BMPR1A: variants seen among roughly 807,000 people sequenced by gnomAD.
BMPR1A encodes the protein bone morphogenetic protein receptor type 1A.
BMPR1A carries 7 observed loss-of-function variants against 66.0 expected under a neutral mutation model. That is an observed-to-expected ratio of 0.11 (90% CI 0.06 to 0.20). The LOEUF (loss-of-function observed/expected upper bound fraction) is 0.20, where lower values mean the gene tolerates loss of function less well. BMPR1A is among the 10% of genes least tolerant of loss of function. The pLI is 1.00. For missense variants in BMPR1A, 408 were observed against 669.1 expected, an observed-to-expected ratio of 0.61 and a Z score of 4.31; for synonymous variants, 200 against 229.7, an observed-to-expected ratio of 0.87 and a Z score of 1.17.
chr10:86,816,016 A>G (rs565551746), intron 1 of BMPR1A, among the ~76,000 whole-genome samples: 2 of 152,174 alleles, frequency 1.3e-5, no homozygotes, highest in Non-Finnish European at 2.9e-5. Context: ...GAATAACTGG[A>G]AATGGCCCCT....
intron 3 of BMPR1A, among the ~76,000 whole-genome samples, chr10:86,888,688 A>T (rs982135732): frequency 1.3e-5 from 2 of 151,908 alleles, no homozygotes; most frequent in Non-Finnish European, 2.9e-5. Context: ...TTAGCCGGGC[A>T]TGGTGGCATG....
chr10:86,757,705 G>A (rs1025923927), intron 1 of BMPR1A, among the ~76,000 whole-genome samples: 4 of 152,200 alleles, frequency 2.6e-5, no homozygotes, highest in African/African-American at 9.7e-5. Flanking sequence ...AGAGTACATA[G>A]TATGAACTTG....
chr10:86,925,719 A>ATTTTTT lies in BMPR1A; in HGVS notation c.*2001_*2002insTTTTTT, dbSNP rs1163006358. 8.1e-6 allele frequency: 1 copy of ATTTTTT among 123,450 alleles called. No homozygotes were observed. Among genetic ancestry groups the ATTTTTT allele is most frequent in the African/African-American group, 5.2e-5 (1 of 19,226 alleles). 7.6% of individuals were successfully genotyped at this position (123,450 alleles called of 1,614,324 possible). ...ACCATAATCTTTAAAATCATTTGTC[A>ATTTTTT]TCTTTTTTTTTTTTTTTTTGAGACG... On this transcript the variant is annotated 3_prime_UTR_variant, in exon 13 of 13. Coordinates refer to ENST00000372037, the MANE Select transcript of BMPR1A (RefSeq NM_004329.3).
intron 1 of BMPR1A, among the ~76,000 whole-genome samples, chr10:86,791,331 G>A (rs1841615673): frequency 1.3e-5 from 2 of 151,670 alleles, no homozygotes; most frequent in African/African-American, 4.8e-5. Context: ...TTCTGCCTCA[G>A]CCTCTTGAGT....
intron 2 of BMPR1A, among the ~76,000 whole-genome samples, chr10:86,859,924 G>A (rs1842691739): frequency 6.6e-6 from 1 of 152,198 alleles, no homozygotes; most frequent in South Asian, 2.1e-4. Flanking sequence ...CCAGCCTACA[G>A]TTTTATCAGC....
chr10:86,804,998 C>T (rs1841869731), intron 1 of BMPR1A, among the ~76,000 whole-genome samples: 1 of 152,048 alleles, frequency 6.6e-6, no homozygotes, highest in Non-Finnish European at 1.5e-5. Flanking sequence ...TCCCGGTAGC[C>T]TCAGGCGTTC....
At chr10:86,757,542 AG>A (rs1847896492) in intron 1 of BMPR1A, among the ~76,000 whole-genome samples, 1 of 152,146 alleles carries the variant, frequency 6.6e-6, no homozygotes, top group Non-Finnish European at 1.5e-5. Context: ...AGATTTGGCA[AG>A]GAAAAAAAAA....
At chr10:86,830,032 G>A (rs1842246636) in intron 1 of BMPR1A, among the ~76,000 whole-genome samples, 1 of 152,146 alleles carries the variant, frequency 6.6e-6, no homozygotes, top group African/African-American at 2.4e-5. Context: ...ACAGTGGGTG[G>A]GGAGAGAGCG....
At chr10:86,875,218 C>G (rs1487272347) in intron 2 of BMPR1A, among the ~76,000 whole-genome samples, 1 of 151,604 alleles carries the variant, frequency 6.6e-6, no homozygotes, top group African/African-American at 2.4e-5. Flanking sequence ...ACTAAAAATA[C>G]AAAAATTAGC....
At chr10:86,761,765 G>A (rs1251836308) in intron 1 of BMPR1A, among the ~76,000 whole-genome samples, 1 of 152,186 alleles carries the variant, frequency 6.6e-6, no homozygotes, top group Non-Finnish European at 1.5e-5. Flanking sequence ...GATGAGAGAA[G>A]GAATGGGATT....
intron 1 of BMPR1A, among the ~76,000 whole-genome samples, chr10:86,788,132 G>T (rs1346884197): frequency 1.3e-5 from 2 of 152,052 alleles, no homozygotes; most frequent in East Asian, 1.9e-4. Flanking sequence ...ATCTAACTAG[G>T]GTTTGTTTCA....
At chr10:86,762,762 T>C (rs1841089313) in intron 1 of BMPR1A, among the ~76,000 whole-genome samples, 1 of 152,190 alleles carries the variant, frequency 6.6e-6, no homozygotes, top group South Asian at 2.1e-4. Context: ...GTCCAGGGAA[T>C]GTTACAAGAC....
At position 86,866,399 on chromosome 10, in the gene BMPR1A, C is replaced by CTTTTTTTTTTTCTTTTTTTTTTTT. The variant is rs1589752897; in HGVS notation, c.-152-9457_-152-9456insCTTTTTTTTTTTTTTTTTTTTTTT. On this transcript the variant is annotated intron_variant, in intron 2 of 12. Transcript: ENST00000372037. ...TGTGTTAAGTTGGGCAAGTTTCTTT[C>CTTTTTTTTTTTCTTTTTTTTTTTT]TTTTTTTTTTTTTTTTTTTTTTTTT... 3.9e-4 allele frequency among the ~76,000 whole-genome samples: 27 copies of CTTTTTTTTTTTCTTTTTTTTTTTT among 69,470 alleles called. 1 individual carries two copies. Among genetic ancestry groups the CTTTTTTTTTTTCTTTTTTTTTTTT allele is most frequent in the South Asian group, 1.1e-3 (2 of 1,828 alleles). 45.6% of individuals were successfully genotyped at this position (69,470 alleles called of 152,430 possible).
At chr10:86,799,469 TCTTC>T (rs4029467) in intron 1 of BMPR1A, among the ~76,000 whole-genome samples, 4,419 of 120,890 alleles carry the variant, frequency 0.037, 91 homozygotes, top group East Asian at 0.083. Context: ...TTCCTTCCTT[TCTTC>T]CTTCCTTCCT....
intron 1 of BMPR1A, among the ~76,000 whole-genome samples, chr10:86,814,434 A>G (rs1207974653): frequency 6.6e-6 from 1 of 151,886 alleles, no homozygotes; most frequent in African/African-American, 2.4e-5. Flanking sequence ...TTATTTCATC[A>G]TTTCGTTTTT....
intron 1 of BMPR1A, among the ~76,000 whole-genome samples, chr10:86,760,395 G>A (rs11598603): frequency 2.0e-5 from 3 of 150,846 alleles, no homozygotes; most frequent in African/African-American, 7.3e-5. Flanking sequence ...CTGGGACCAC[G>A]CCTGGCTAAT....
intron 2 of BMPR1A, among the ~76,000 whole-genome samples, chr10:86,869,120 A>T (rs1842821411): frequency 6.6e-6 from 1 of 152,238 alleles, no homozygotes. Context: ...TTAGGAATTT[A>T]AAAAATATAT....
intron 1 of BMPR1A, among the ~76,000 whole-genome samples, chr10:86,774,553 G>T (rs1229142209): frequency 2.0e-5 from 3 of 152,008 alleles, no homozygotes; most frequent in Non-Finnish European, 2.9e-5. Context: ...ATTTTTAGAG[G>T]AAAGAAAAAG....
chr10:86,822,699 C>T (rs1047325839), intron 1 of BMPR1A, among the ~76,000 whole-genome samples: 3 of 152,030 alleles, frequency 2.0e-5, no homozygotes, highest in East Asian at 1.9e-4. Flanking sequence ...TGCAGTGGCG[C>T]GATCTCGGCT....
Sources: allele counts gnomAD v4.1 joint callset (sites outside exome capture counted in the v4.1 genomes callset), GRCh38; gene constraint gnomAD v4.1.1; transcripts MANE v1.5; gene names NCBI Gene and HGNC (gene_info 2026-07-23, HGNC 2026-07-21).